MANSC4: variants seen among roughly 807,000 people sequenced by gnomAD.
The protein encoded by MANSC4 is MANSC domain containing 4.
In MANSC4, 11 loss-of-function variants were observed where a neutral mutation model predicts 11.4. That is an observed-to-expected ratio of 0.97 (90% CI 0.61 to 1.60). The LOEUF (loss-of-function observed/expected upper bound fraction) is 1.60, where lower values mean the gene tolerates loss of function less well. MANSC4 is among the 40% of genes most tolerant of loss of function. The pLI, the probability that MANSC4 is intolerant of heterozygous loss-of-function variation, is 0.00. For synonymous variants in MANSC4, 123 were observed against 147.1 expected, an observed-to-expected ratio of 0.84 and a Z score of 1.19; for missense variants, 354 against 404.6, an observed-to-expected ratio of 0.88 and a Z score of 1.07.
intron 2 of MANSC4, among the ~76,000 whole-genome samples, chr12:27,767,632 GGTTACA>G (rs1256770970): frequency 6.6e-6 from 1 of 152,076 alleles, no homozygotes; most frequent in East Asian, 1.9e-4. Context: ...AAACCCAGGA[GGTTACA>G]GTGAGCCAAG....
intron 1 of MANSC4, among the ~76,000 whole-genome samples, chr12:27,775,022 TCAAA>T (rs2062114277): frequency 1.0e-5 from 1 of 98,192 alleles, no homozygotes; most frequent in African/African-American, 3.8e-5. Flanking sequence ...AGATTCCGTC[TCAAA>T]ATAAATAAAT....
intron 3 of MANSC4, among the ~76,000 whole-genome samples, chr12:27,763,785 C>T (rs2062059146): frequency 6.6e-6 from 1 of 152,040 alleles, no homozygotes; most frequent in South Asian, 2.1e-4. Flanking sequence ...GGCTGGAGTG[C>T]AGTGGTATGG....
chr12:27,766,893 T>C, intron 2 of MANSC4, 94 bp from the exon 3 acceptor site: 5 of 1,342,682 alleles, frequency 3.7e-6, no homozygotes, highest in Non-Finnish European at 3.0e-6. Context: ...TCAGGAATAC[T>C]GGATTAACAG....
chr12:27,764,824 A>C (rs2062065045), intron 3 of MANSC4, among the ~76,000 whole-genome samples: 1 of 141,988 alleles, frequency 7.0e-6, no homozygotes, highest in Non-Finnish European at 1.6e-5. Context: ...TTCTTCCATC[A>C]CCCACACTGA....
At position 27,763,071 on chromosome 12, in the gene MANSC4, CTTA is replaced by C. The variant is rs2062054982; in HGVS notation, c.687_689del (p.Asn229del). 6.4e-7 allele frequency: 1 copy of C among 1,551,648 alleles called. No individual in the cohort carries two copies. The highest frequency in any genetic ancestry group is 2.4e-5 in the East Asian group (1 of 40,926). On this transcript the variant is annotated inframe_deletion, in exon 4 of 4. Transcript: ENST00000381273. ...TGGGTTCAAAGAAAGGAGAAATAGT[CTTA>C]TTATCTGGATTGCTGATGAAATCAG...
chr12:27,772,170 AT>A (rs1226201519), intron 1 of MANSC4, among the ~76,000 whole-genome samples: 1 of 151,230 alleles, frequency 6.6e-6, no homozygotes, highest in Non-Finnish European at 1.5e-5. Context: ...GGCAGTGAAA[AT>A]GGACTGTTGC....
chr12:27,768,092 A>T (rs1178294909), intron 2 of MANSC4, among the ~76,000 whole-genome samples: 1 of 152,006 alleles, frequency 6.6e-6, no homozygotes, highest in African/African-American at 2.4e-5. Flanking sequence ...TTCTAAGCAA[A>T]TTTGCTTTTT....
At chr12:27,765,660 A>G (rs1234989144) in intron 3 of MANSC4, among the ~76,000 whole-genome samples, 1 of 152,220 alleles carries the variant, frequency 6.6e-6, no homozygotes, top group Non-Finnish European at 1.5e-5. Flanking sequence ...GTGTCTTAAC[A>G]ATAATTGTAA....
intron 1 of MANSC4, among the ~76,000 whole-genome samples, chr12:27,774,948 T>C (rs36138811): frequency 0.16 from 24,903 of 151,846 alleles, 2,538 homozygotes; most frequent in Non-Finnish European, 0.23. Flanking sequence ...GGAGTGAACC[T>C]GGGAGGCGGA....
intron 1 of MANSC4, among the ~76,000 whole-genome samples, chr12:27,775,681 A>C (rs1303433468): frequency 2.0e-5 from 3 of 152,050 alleles, no homozygotes; most frequent in Non-Finnish European, 4.4e-5. Flanking sequence ...GGATTACAGG[A>C]ATCGGTCACT....
Position 27,762,961 on chromosome 12 carries a change from C to T in MANSC4, c.800G>A (p.Ser267Asn). 4.5e-6 allele frequency: 7 copies of T among 1,551,808 alleles called. No homozygotes were observed. The highest frequency in any genetic ancestry group is 6.1e-6 in the Non-Finnish European group (7 of 1,147,036). ...TTCATTTGCAGATGTGTGGTTTCTG[C>T]TATTGTATCCTTTGGTTTTGTTTAG... Reference protein sequence around the residue: ...QLLNKTKGYNSRNHTSANEDE... With the variant: ...QLLNKTKGYNNRNHTSANEDE... Residue 267 changes from serine to asparagine, a missense_variant, in exon 4 of 4, where the codon AGC becomes AAC. Physicochemically the swap from Ser to Asn is conservative, Grantham distance 46 (BLOSUM62 1). Transcript: ENST00000381273.
At chr12:27,777,295 T>C (rs2062122618) in intron 1 of MANSC4, among the ~76,000 whole-genome samples, 1 of 152,168 alleles carries the variant, frequency 6.6e-6, no homozygotes. Context: ...AAAGCATCCA[T>C]TGGTGAAAGA....
At chr12:27,766,437 A>G (rs1045743865) in intron 3 of MANSC4, among the ~76,000 whole-genome samples, 1 of 152,196 alleles carries the variant, frequency 6.6e-6, no homozygotes, top group Non-Finnish European at 1.5e-5. Flanking sequence ...CTCTTGTTCA[A>G]TCATGTATGA....
In MANSC4 at chr12:27,766,717, C is replaced by G. The variant is rs1413098263; in HGVS notation, c.312G>C (p.Glu104Asp). 6.4e-7 allele frequency: 1 copy of G among 1,551,666 alleles called. No homozygotes were observed. Among genetic ancestry groups the G allele is most frequent in the Non-Finnish European group, 8.7e-7 (1 of 1,146,970 alleles). Residue 104 changes from glutamate (E) to aspartate (D), a missense_variant, in exon 3 of 4, where the codon GAG (glutamate) becomes GAC (aspartate). By Grantham distance (45) the Glu-to-Asp change is conservative. Transcript: ENST00000381273. ...NCLHVHCPTL[E>D]SCILEPGTSA... The stretch of plus-strand genomic sequence containing the variant: ...TGGTTCCAGGCTCTAATATGCAGCT[C>G]TCCAGTGTTGGGCAGTGAACATGGA...
At chr12:27,767,005 G>A (rs943759096) in intron 2 of MANSC4, among the ~76,000 whole-genome samples, 6 of 151,876 alleles carry the variant, frequency 4.0e-5, no homozygotes, top group Admixed American at 3.3e-4. Flanking sequence ...TTTGAGACAG[G>A]GTCTTGCTCT....
rs767309477 is a variant in MANSC4 at position 27,763,197 on chromosome 12, A to T, written c.564T>A (p.Ser188Arg). 1 of 1,551,710 alleles carries T rather than the reference A, an allele frequency of 6.4e-7. No homozygotes were observed. The highest frequency in any genetic ancestry group is 1.2e-5 in the South Asian group (1 of 84,062). Residue 188 changes from serine (S) to arginine (R), a missense_variant, in exon 4 of 4, where the codon AGT becomes AGA. By Grantham distance (110) the Ser-to-Arg change is moderately radical. Coordinates refer to ENST00000381273, the MANE Select transcript of MANSC4 (RefSeq NM_001146221.5). ...THQDLVVNTNSTSYSKELTTD... is the reference protein window; with the variant it reads ...THQDLVVNTNRTSYSKELTTD... ...TGGTTAATTCCTTAGAATAACTGGT[A>T]CTGTTTGTGTTTACAACCAAATCTT...
At chr12:27,772,613 C>T (rs1344870135) in intron 1 of MANSC4, among the ~76,000 whole-genome samples, 5 of 152,180 alleles carry the variant, frequency 3.3e-5, no homozygotes, top group African/African-American at 9.7e-5. Context: ...AACTCCTAAC[C>T]TTGCCTAAGC....
At position 27,762,767 on chromosome 12, in the gene MANSC4, G is replaced by T. The variant is rs567876783; in HGVS notation, c.994C>A (p.Arg332Ser). Reference protein sequence around the residue: ...RKSGSLQIKNRNHMKENSS With the variant: ...RKSGSLQIKNSNHMKENSS Reference sequence around the variant, plus strand: ...GAAGAGTTCTCCTTCATATGGTTACGGTTTTTAATTTGCAAGGATCCTGAT... The same window carrying T: ...GAAGAGTTCTCCTTCATATGGTTACTGTTTTTAATTTGCAAGGATCCTGAT... Residue 332 changes from arginine to serine, a missense_variant, in exon 4 of 4, where the codon CGT becomes AGT. Transcript: ENST00000381273. 6.5e-7 allele frequency: 1 copy of T among 1,545,666 alleles called. No homozygotes were observed. The highest frequency in any genetic ancestry group is 1.2e-5 in the South Asian group (1 of 82,610).
At chr12:27,773,069 G>A (rs1458142304) in intron 1 of MANSC4, among the ~76,000 whole-genome samples, 25 of 152,148 alleles carry the variant, frequency 1.6e-4, no homozygotes, top group African/African-American at 2.4e-5. Context: ...TTGGCCAGGC[G>A]GGGTGGCTAA....
Sources: gnomAD v4.1 joint callset for allele counts (sites outside exome capture counted in the v4.1 genomes callset) on GRCh38, gnomAD v4.1.1 for gene constraint, MANE v1.5 for transcripts, NCBI Gene and HGNC (gene_info 2026-07-23, HGNC 2026-07-21) for gene names.